Variants in EPB41L3 observed in about 807,000 individuals in gnomAD.
EPB41L3 encodes the protein erythrocyte membrane protein band 4.1 like 3, also known as band 4.1-like protein 3.
EPB41L3 carries 57 observed loss-of-function variants against 127.1 expected under a neutral mutation model. The ratio of observed to expected loss-of-function variants is 0.45; its 90% CI spans 0.36 to 0.56. The LOEUF is 0.56. EPB41L3 is among the 20% of genes least tolerant of loss of function. EPB41L3 has a pLI of 0.00. For missense variants in EPB41L3, 1,273 were observed against 1,372.2 expected, an observed-to-expected ratio of 0.93 and a Z score of 1.14; for synonymous variants, 572 against 549.5, an observed-to-expected ratio of 1.04 and a Z score of -0.57.
intron 3 of EPB41L3, among the ~76,000 whole-genome samples, chr18:5,571,986 T>C (rs899331171): frequency 2.0e-5 from 3 of 152,238 alleles, no homozygotes; most frequent in Admixed American, 1.3e-4. Flanking sequence ...CTTGGAATCA[T>C]TAGCCCTTTC....
intron 3 of EPB41L3, among the ~76,000 whole-genome samples, chr18:5,593,221 G>A (rs553776008): frequency 8.8e-5 from 12 of 136,246 alleles, no homozygotes; most frequent in South Asian, 2.4e-4. Context: ...TCCCTGTATC[G>A]GGGGAAATTC....
rs2093812103 is a variant in EPB41L3, at chr18:5,543,645, C to A, written c.-12+268G>T. ...GGGGCTCAGGCTCTGCGCGCCGGCC[C>A]AGCCACTACTGCGCCGCGGCGGGCG... On this transcript the variant is annotated intron_variant, in intron 1 of 22. Coordinates refer to ENST00000341928, the MANE Select transcript of EPB41L3 (RefSeq NM_012307.5). The surrounding 1 kb of genome is among the most constrained non-coding windows in gnomAD (Gnocchi z 5.2). 6.8e-6 allele frequency among the ~76,000 whole-genome samples: 1 copy of A among 147,082 alleles called. No homozygotes were observed. The highest frequency in any genetic ancestry group is 2.4e-5 in the African/African-American group (1 of 40,968).
At chr18:5,440,983 C>A (rs1244153006) in intron 5 of EPB41L3, among the ~76,000 whole-genome samples, 1 of 152,096 alleles carries the variant, frequency 6.6e-6, no homozygotes, top group Non-Finnish European at 1.5e-5. Flanking sequence ...CTCAAGTGAT[C>A]CAACCCCCTC....
chr18:5,523,102 A>G (rs2093064513), intron 1 of EPB41L3, among the ~76,000 whole-genome samples: 1 of 152,184 alleles, frequency 6.6e-6, no homozygotes, highest in African/African-American at 2.4e-5. Context: ...TCCCATTAAA[A>G]TCTCCCATTA....
intron 14 of EPB41L3, among the ~76,000 whole-genome samples, chr18:5,408,300 G>A (rs1273637297): frequency 7.2e-6 from 1 of 139,778 alleles, no homozygotes; most frequent in Non-Finnish European, 1.5e-5. Flanking sequence ...TTGAGACAGA[G>A]TCTCGCTTTG....
chr18:5,495,642 A>G (rs184435772), intron 1 of EPB41L3, among the ~76,000 whole-genome samples: 128 of 152,232 alleles, frequency 8.4e-4, no homozygotes, highest in African/African-American at 3.0e-3. Flanking sequence ...GTCTCAAGAC[A>G]ACTAGTTTTA....
intron 3 of EPB41L3, among the ~76,000 whole-genome samples, chr18:5,549,598 C>T (rs1568560100): frequency 6.6e-6 from 1 of 152,160 alleles, no homozygotes; most frequent in Non-Finnish European, 1.5e-5. Flanking sequence ...ATAAAACTAC[C>T]AGATGCACAC....
At chr18:5,427,993 C>T (rs2078452801) in intron 9 of EPB41L3, among the ~76,000 whole-genome samples, 1 of 152,008 alleles carries the variant, frequency 6.6e-6, no homozygotes, top group Admixed American at 6.6e-5. Context: ...GATCCACGCC[C>T]CCACCCCGCC....
intron 2 of EPB41L3, among the ~76,000 whole-genome samples, chr18:5,482,541 A>G (rs981845356): frequency 6.6e-6 from 1 of 152,220 alleles, no homozygotes; most frequent in African/African-American, 2.4e-5. Flanking sequence ...AACCTAAATA[A>G]GAATACCACA....
rs879923249 is a variant in EPB41L3 at position 5,530,729 on chromosome 18, GT to G, written c.-12+13183del. 2.3e-3 allele frequency among the ~76,000 whole-genome samples: 343 copies of G among 152,234 alleles called. 4 individuals carry two copies. The highest frequency in any genetic ancestry group is 0.021 in the Admixed American group (321 of 15,288). On this transcript the variant is annotated intron_variant, in intron 1 of 22. Coordinates refer to ENST00000341928, the MANE Select transcript of EPB41L3 (RefSeq NM_012307.5). ...GCTCCTGGTCATCTTTAGGTCTCAGGTTGGACACCACTCCCTCTCCGTCCAA... is the reference window on the plus strand; with the variant it reads ...GCTCCTGGTCATCTTTAGGTCTCAGGTGGACACCACTCCCTCTCCGTCCAA...
chr18:5,585,271 G>A (rs1359610550), intron 3 of EPB41L3, among the ~76,000 whole-genome samples: 1 of 152,068 alleles, frequency 6.6e-6, no homozygotes, highest in African/African-American at 2.4e-5. Context: ...ACTGCTACTC[G>A]AATAAGACAT....
chr18:5,422,157 C>T (rs1485145404), intron 11 of EPB41L3, among the ~76,000 whole-genome samples: 6 of 152,126 alleles, frequency 3.9e-5, no homozygotes, highest in South Asian at 4.2e-4. Context: ...TGTCAACCAC[C>T]GCAGAGACAG....
chr18:5,477,588 C>A (rs182704148), intron 3 of EPB41L3, among the ~76,000 whole-genome samples: 1 of 152,296 alleles, frequency 6.6e-6, no homozygotes, highest in Non-Finnish European at 1.5e-5. Flanking sequence ...TCAGAGAACT[C>A]AACAGTCAGC....
At chr18:5,570,631 C>T (rs965072165) in intron 3 of EPB41L3, among the ~76,000 whole-genome samples, 1 of 151,340 alleles carries the variant, frequency 6.6e-6, no homozygotes, top group Non-Finnish European at 1.5e-5. Context: ...ACTTTAAGTT[C>T]TAGGGTACAT....
chr18:5,396,360 G>A, intron 18 of EPB41L3, 28 bp from the exon 19 acceptor site: 2 of 1,613,724 alleles, frequency 1.2e-6, no homozygotes, highest in Non-Finnish European at 1.7e-6. Context: ...AAGCAGAGTG[G>A]CTGTTATAGT....
chr18:5,554,761 A>C (rs2094010591), intron 3 of EPB41L3, among the ~76,000 whole-genome samples: 1 of 149,104 alleles, frequency 6.7e-6, no homozygotes. Flanking sequence ...AGGACAAAAG[A>C]AAATGTGACA....
chr18:5,583,996 C>T (rs1023889817), intron 3 of EPB41L3, among the ~76,000 whole-genome samples: 2 of 152,146 alleles, frequency 1.3e-5, no homozygotes, highest in South Asian at 2.1e-4. Flanking sequence ...TTAGTAGAGA[C>T]AGGGTTTCTC....
intron 9 of EPB41L3, among the ~76,000 whole-genome samples, chr18:5,424,993 C>T (rs2077969101): frequency 6.6e-6 from 1 of 152,100 alleles, no homozygotes; most frequent in African/African-American, 2.4e-5. Flanking sequence ...TCAGATGATG[C>T]CTTATCAGCC....
chr18:5,617,914 T>C (rs550973968), intron 1 of EPB41L3, among the ~76,000 whole-genome samples: 3 of 152,186 alleles, frequency 2.0e-5, no homozygotes, highest in African/African-American at 7.2e-5. Context: ...CAAAGCACTA[T>C]ATACTCATCC....
Sources: allele counts gnomAD v4.1 joint callset (sites outside exome capture counted in the v4.1 genomes callset), GRCh38; gene constraint gnomAD v4.1.1; non-coding constraint Gnocchi (gnomAD v3.1); transcripts MANE v1.5; gene names NCBI Gene and HGNC (gene_info 2026-07-23, HGNC 2026-07-21).